TSHZ2: variants seen among roughly 807,000 people sequenced by gnomAD.
The protein encoded by TSHZ2 is teashirt zinc finger homeobox 2, also known as teashirt homolog 2.
A neutral mutation model predicts 74.4 loss-of-function variants in TSHZ2; 21 were observed. The ratio of observed to expected loss-of-function variants is 0.28; its 90% CI spans 0.20 to 0.41. The LOEUF (loss-of-function observed/expected upper bound fraction) is 0.41. Ranked by LOEUF, TSHZ2 falls within the 10% of genes least tolerant of loss-of-function variation. The pLI is 1.00. For missense variants in TSHZ2, 1,244 were observed against 1,293.5 expected (o/e 0.96, Z 0.59); for synonymous variants, 540 against 515.3 (o/e 1.05, Z -0.65).
chr20:53,325,780 T>C (rs1449143898), intron 2 of TSHZ2, among the ~76,000 whole-genome samples: 1 of 152,112 alleles, frequency 6.6e-6, no homozygotes, highest in East Asian at 1.9e-4. Context: ...GTATCTTTTT[T>C]TTGTTTTGTT....
intron 2 of TSHZ2, among the ~76,000 whole-genome samples, chr20:53,387,522 C>A (rs1600599047): frequency 6.6e-6 from 1 of 152,194 alleles, no homozygotes; most frequent in South Asian, 2.1e-4. Context: ...GTTCTCTAGG[C>A]AAAGGCCAGC....
intron 1 of TSHZ2, among the ~76,000 whole-genome samples, chr20:53,037,840 G>A (rs1239678447): frequency 1.3e-5 from 2 of 152,136 alleles, no homozygotes; most frequent in Non-Finnish European, 2.9e-5. Context: ...GTGTGCATCT[G>A]GTCCACCCTC....
At chr20:53,443,498 G>A (rs1984420606) in intron 2 of TSHZ2, among the ~76,000 whole-genome samples, 1 of 152,186 alleles carries the variant, frequency 6.6e-6, no homozygotes, top group African/African-American at 2.4e-5. Flanking sequence ...TCCATGCAAA[G>A]GGCAACATAG....
chr20:52,999,682 T>TCAG (rs1982341154), intron 1 of TSHZ2, among the ~76,000 whole-genome samples: 1 of 152,198 alleles, frequency 6.6e-6, no homozygotes, highest in East Asian at 1.9e-4. Flanking sequence ...GTGACTGGAA[T>TCAG]CATCAGAATC....
intron 1 of TSHZ2, among the ~76,000 whole-genome samples, chr20:53,038,222 A>G (rs886244103): frequency 5.3e-5 from 7 of 131,078 alleles, no homozygotes; most frequent in Admixed American, 1.6e-4. Flanking sequence ...AAAAAAAAAA[A>G]AAAAAAAAAA....
chr20:53,223,877 G>GA (rs968791679), intron 1 of TSHZ2, among the ~76,000 whole-genome samples: 1 of 147,124 alleles, frequency 6.8e-6, no homozygotes, highest in Non-Finnish European at 1.5e-5. Context: ...CTACACATGT[G>GA]AAAAAAATGT....
intron 1 of TSHZ2, among the ~76,000 whole-genome samples, chr20:53,027,873 G>A (rs141558252): frequency 2.6e-5 from 4 of 152,032 alleles, no homozygotes; most frequent in African/African-American, 9.7e-5. Context: ...GAGAGGAGAG[G>A]GTGGTTAGAT....
chr20:52,977,422 ACACACACACACAC>A (rs1981385234), intron 1 of TSHZ2, among the ~76,000 whole-genome samples: 5 of 284 alleles, frequency 0.018, no homozygotes, highest in African/African-American at 0.042. Context: ...ATGGAAAAAT[ACACACACACACAC>A]ACACACACAC....
At position 53,099,646 on chromosome 20, in the gene TSHZ2, C is replaced by T. The variant is rs144658987; in HGVS notation, c.40+126313C>T. ...GGCCAGGGAGGCCTCACAATCATGG[C>T]GGAAGGCGAAAGGCATGTCTTACAT... is the stretch of plus-strand genomic sequence containing the variant. On this transcript the variant is annotated intron_variant, in intron 1 of 2. Transcript: ENST00000371497. Among the ~76,000 whole-genome samples the T allele has an allele frequency of 4.6e-4, 70 of 152,222 alleles. 2 individuals carry two copies. In the East Asian group the frequency reaches 0.012, roughly 27 times the overall value.
intron 1 of TSHZ2, among the ~76,000 whole-genome samples, chr20:53,092,940 G>C (rs568104871): frequency 2.0e-5 from 3 of 152,172 alleles, no homozygotes; most frequent in Non-Finnish European, 4.4e-5. Flanking sequence ...TAAACAAATG[G>C]CCAGGATTGT....
intron 2 of TSHZ2, among the ~76,000 whole-genome samples, chr20:53,454,382 T>C (rs1241615868): frequency 6.6e-6 from 1 of 152,002 alleles, no homozygotes; most frequent in East Asian, 1.9e-4. Flanking sequence ...GCCAATATGG[T>C]GACACCCCAT....
chr20:53,253,653 C>T lies in TSHZ2; in HGVS notation c.195C>T (p.Ser65=). Residue 65 remains serine, a synonymous_variant, in exon 2 of 3, where the codon AGC becomes AGT. Transcript: ENST00000371497. The part of the protein sequence containing the change: ...ETGPEQKGCF[S]YQNSPGSHLS... The stretch of plus-strand genomic sequence containing the variant: ...GCCCAGAGCAAAAAGGCTGCTTCAG[C>T]TACCAGAACTCTCCAGGAAGTCATT... 1 of 1,614,168 alleles carries T rather than the reference C, an allele frequency of 6.2e-7. No homozygotes were observed. Among genetic ancestry groups the T allele is most frequent in the Non-Finnish European group, 8.5e-7 (1 of 1,180,040 alleles).
At chr20:53,068,049 C>T (rs897834363) in intron 1 of TSHZ2, among the ~76,000 whole-genome samples, 14 of 152,122 alleles carry the variant, frequency 9.2e-5, no homozygotes, top group African/African-American at 3.4e-4. Context: ...CAGGTGGCAT[C>T]CCCTCTTTTG....
chr20:53,028,716 C>G (rs1471782624), intron 1 of TSHZ2, among the ~76,000 whole-genome samples: 1 of 152,148 alleles, frequency 6.6e-6, no homozygotes, highest in Non-Finnish European at 1.5e-5. Context: ...ATGGGAATAA[C>G]TTTTTCACAC....
chr20:53,045,304 G>A (rs767590535), intron 1 of TSHZ2, among the ~76,000 whole-genome samples: 1 of 152,186 alleles, frequency 6.6e-6, no homozygotes, highest in Admixed American at 6.5e-5. Context: ...ATTTCAAAAG[G>A]GTGGGGAAGT....
At chr20:53,218,852 T>A (rs1339434827) in intron 1 of TSHZ2, among the ~76,000 whole-genome samples, 1 of 152,232 alleles carries the variant, frequency 6.6e-6, no homozygotes, top group Non-Finnish European at 1.5e-5. Context: ...TAGTGTTACT[T>A]TCCTTGTCTC....
chr20:53,344,135 C>G (rs1376796243), intron 2 of TSHZ2, among the ~76,000 whole-genome samples: 3 of 152,150 alleles, frequency 2.0e-5, no homozygotes, highest in Non-Finnish European at 2.9e-5. Flanking sequence ...CAGAATAGGA[C>G]TCTAGGCTGC....
chr20:53,251,275 T>C (rs552725685), intron 1 of TSHZ2, among the ~76,000 whole-genome samples: 1 of 152,356 alleles, frequency 6.6e-6, no homozygotes, highest in East Asian at 1.9e-4. Flanking sequence ...CAAGTGACCC[T>C]ATTTGATTGA....
At chr20:53,310,847 G>A (rs541043819) in intron 2 of TSHZ2, among the ~76,000 whole-genome samples, 24 of 152,244 alleles carry the variant, frequency 1.6e-4, no homozygotes, top group South Asian at 8.3e-4. Flanking sequence ...TAACCTTGCC[G>A]TATTCTATTG....
Sources: allele counts gnomAD v4.1 joint callset (sites outside exome capture counted in the v4.1 genomes callset), GRCh38; gene constraint gnomAD v4.1.1; transcripts MANE v1.5; gene names NCBI Gene and HGNC (gene_info 2026-07-23, HGNC 2026-07-21).